The following MYL1 variants were observed in gnomAD, a reference collection of about 807,000 sequenced individuals.
MYL1 encodes the protein myosin light chain 1.
In MYL1, 16 loss-of-function variants were observed where a neutral mutation model predicts 21.8. That is an observed-to-expected ratio of 0.74 (90% CI 0.50 to 1.12). The LOEUF is 1.12. Among genes scored for constraint, MYL1 ranks in the 50% most tolerant of loss-of-function variants. The probability of loss-of-function intolerance (pLI) is 0.00; values close to 1 mark genes in which losing one functional copy is unlikely to be tolerated. For synonymous variants in MYL1, 99 were observed against 85.2 expected, an observed-to-expected ratio of 1.16 and a Z score of -0.89; for missense variants, 246 against 241.0, an observed-to-expected ratio of 1.02 and a Z score of -0.14.
chr2:210,303,824 G>A (rs1214004513), intron 1 of MYL1, among the ~76,000 whole-genome samples: 3 of 152,088 alleles, frequency 2.0e-5, no homozygotes, highest in African/African-American at 7.2e-5. Flanking sequence ...GAAGCCTGCC[G>A]GTACTTTTAT....
Position 210,315,064 on chromosome 2 carries a change from T to C in MYL1, c.-22A>G. Reference sequence around the variant, plus strand: ...CCATTTTTTTTTTTAAAAGGGTGGGTTAAAAAGAGAAGGAGTTCCTCCAAA... The same window carrying C: ...CCATTTTTTTTTTTAAAAGGGTGGGCTAAAAAGAGAAGGAGTTCCTCCAAA... On this transcript the variant is annotated 5_prime_UTR_variant, in exon 1 of 7. Coordinates refer to ENST00000352451, the MANE Select transcript of MYL1 (RefSeq NM_079420.3). The C allele has an allele frequency of 6.3e-7, 1 of 1,590,758 alleles. No homozygotes were observed. The highest frequency in any genetic ancestry group is 8.5e-7 in the Non-Finnish European group (1 of 1,174,582).
chr2:210,294,392 C>T lies in MYL1; in HGVS notation c.331G>A (p.Glu111Lys). 1.2e-6 allele frequency: 2 copies of T among 1,613,850 alleles called. No homozygotes were observed. Among genetic ancestry groups the T allele is most frequent in the South Asian group, 1.1e-5 (1 of 91,042 alleles). ...EELNAKKIEF[E>K]QFLPMMQAIS... ...GCTTGCATCATAGGCAGAAATTGTT[C>T]AAACTCAATTTTCTTGGCATTCAGC... The change falls in exon 4 of 7, where the codon GAA becomes AAA. Residue 111 changes from glutamate to lysine, a missense_variant. Glu to Lys is a moderately conservative substitution (Grantham distance 56). Coordinates refer to ENST00000352451, the MANE Select transcript of MYL1 (RefSeq NM_079420.3).
At chr2:210,291,388 A>G (rs938236174) in intron 5 of MYL1, among the ~76,000 whole-genome samples, 18 of 152,122 alleles carry the variant, frequency 1.2e-4, no homozygotes, top group Admixed American at 4.6e-4. Context: ...TTAGCCTCCC[A>G]AGCAGCTGGG....
In MYL1 at chr2:210,294,351, CTTG is replaced by C; in HGVS notation, c.369_371del (p.Asn123del). On this transcript the variant is annotated inframe_deletion, in exon 4 of 7. Coordinates refer to ENST00000352451, the MANE Select transcript of MYL1 (RefSeq NM_079420.3). ...CAAAGTCTTCATAGGTGGCCTGGTC[CTTG>C]TTGTTGGAAATGGCTTGCATCATAG... 1.9e-6 allele frequency: 3 copies of C among 1,614,022 alleles called. No individual in the cohort carries two copies. Among genetic ancestry groups the C allele is most frequent in the Non-Finnish European group, 2.5e-6 (3 of 1,179,964 alleles).
intron 6 of MYL1, among the ~76,000 whole-genome samples, 176 bp downstream of exon 6, chr2:210,290,856 C>T (rs567891827): frequency 6.6e-5 from 10 of 151,948 alleles, no homozygotes; most frequent in Admixed American, 2.0e-4. Flanking sequence ...ATATCTCGTA[C>T]AAAAATGCTC....
intron 1 of MYL1, among the ~76,000 whole-genome samples, chr2:210,310,640 C>T (rs986736868): frequency 6.6e-6 from 1 of 152,002 alleles, no homozygotes; most frequent in African/African-American, 2.4e-5. Context: ...TTTCACCCTC[C>T]TTCTGCAGAA....
chr2:210,294,417 C>G lies in MYL1; in HGVS notation c.306G>C (p.Glu102Asp), dbSNP rs753507577. 1 of 1,612,712 alleles carries G rather than the reference C, an allele frequency of 6.2e-7. No homozygotes were observed. Among genetic ancestry groups the G allele is most frequent in the Admixed American group, 1.7e-5 (1 of 59,872 alleles). The change falls in exon 4 of 7, where the codon GAG becomes GAC. Residue 102 changes from glutamate (E) to aspartate (D), a missense_variant and splice_region_variant. Physicochemically the swap from Glu to Asp is conservative, Grantham distance 45 (BLOSUM62 2). Coordinates refer to ENST00000352451, the MANE Select transcript of MYL1 (RefSeq NM_079420.3). ...CAAACTCAATTTTCTTGGCATTCAG[C>G]TCTGTAAGAAATTGCAATTTTGAGG... ...RKVLGNPSNE[E>D]LNAKKIEFEQ... is the part of the protein sequence containing the mutation.
intron 6 of MYL1, 96 bp from the exon 7 acceptor site, chr2:210,290,563 G>A (rs576822821): frequency 6.6e-6 from 1 of 152,394 alleles, no homozygotes; most frequent in African/African-American, 2.4e-5. Flanking sequence ...ACAATAAAAA[G>A]CGCAAAGTGA....
chr2:210,297,374 G>A (rs925450525), intron 3 of MYL1, among the ~76,000 whole-genome samples: 6 of 151,870 alleles, frequency 4.0e-5, no homozygotes, highest in Admixed American at 6.6e-5. Flanking sequence ...GTAAGATGGC[G>A]TTTCATTGTG....
intron 3 of MYL1, among the ~76,000 whole-genome samples, chr2:210,295,394 G>C (rs1690157443): frequency 6.6e-6 from 1 of 152,066 alleles, no homozygotes; most frequent in Admixed American, 6.6e-5. Flanking sequence ...ACCACTTTGG[G>C]AAGCCGAGGC....
rs1690053642 is a variant in MYL1, at chr2:210,290,236, T to G, written c.*246A>C. ...TAGATAATAAAGAATGGTGCTTGGA[T>G]TTGAGATTGTCAATATTTTATTCTT... On this transcript the variant is annotated 3_prime_UTR_variant, in exon 7 of 7. Transcript: ENST00000352451. 1 of 152,144 alleles carries G rather than the reference T, an allele frequency of 6.6e-6. No individual in the cohort carries two copies. The highest frequency in any genetic ancestry group is 2.4e-5 in the African/African-American group (1 of 41,448). 9.4% of individuals were successfully genotyped at this position (152,144 alleles called of 1,614,324 possible).
intron 2 of MYL1, 142 bp downstream of exon 2, chr2:210,302,346 G>C (rs1360033218): frequency 7.7e-6 from 5 of 650,758 alleles, no homozygotes; most frequent in African/African-American, 3.8e-5. Context: ...TATATTTAGA[G>C]TGATCGAGAG....
chr2:210,314,866 A>T lies in MYL1; in HGVS notation c.132+45T>A, dbSNP rs756167746. ...TTGCAAGTTCCTAGAGATCCTTACTATTGAAAGATGTTTCAGTGACCAAAC... is the reference window on the plus strand; with the variant it reads ...TTGCAAGTTCCTAGAGATCCTTACTTTTGAAAGATGTTTCAGTGACCAAAC... On this transcript the variant is annotated intron_variant, in intron 1 of 6. Transcript: ENST00000352451. 6 of 1,608,714 alleles carry T rather than the reference A, an allele frequency of 3.7e-6. No homozygotes were observed. In the East Asian group the frequency reaches 1.3e-4, roughly 36 times the overall value.
chr2:210,301,234 G>C (rs190505323), intron 2 of MYL1, among the ~76,000 whole-genome samples: 51 of 152,120 alleles, frequency 3.4e-4, no homozygotes, highest in Non-Finnish European at 5.4e-4. Context: ...ATCACCAACT[G>C]TTTTCAATGA....
chr2:210,300,091 A>G (rs1690241155), intron 2 of MYL1, among the ~76,000 whole-genome samples: 1 of 152,146 alleles, frequency 6.6e-6, no homozygotes, highest in African/African-American at 2.4e-5. Context: ...CATTAGTCAA[A>G]TATTATTTTT....
chr2:210,298,637 A>AT (rs1331886294), intron 2 of MYL1, 74 bp from the exon 3 acceptor site: 1 of 1,536,534 alleles, frequency 6.5e-7, no homozygotes, highest in African/African-American at 1.4e-5. Context: ...CTTATCAAAA[A>AT]TTCAGTTCAA....
At chr2:210,307,104 G>A (rs113505186) in intron 1 of MYL1, among the ~76,000 whole-genome samples, 223 of 152,222 alleles carry the variant, frequency 1.5e-3, no homozygotes, top group Non-Finnish European at 2.6e-3. Flanking sequence ...TGAAAGAAAC[G>A]TTTTCTCTCT....
At chr2:210,290,639 A>G (rs1690061274) in intron 6 of MYL1, among the ~76,000 whole-genome samples, 172 bp from the exon 7 acceptor site, 1 of 152,168 alleles carries the variant, frequency 6.6e-6, no homozygotes, top group South Asian at 2.1e-4. Context: ...TTGAATTTGG[A>G]CTGTTATAAC....
chr2:210,296,784 C>T (rs1690179905), intron 3 of MYL1, among the ~76,000 whole-genome samples: 1 of 152,066 alleles, frequency 6.6e-6, no homozygotes, highest in African/African-American at 2.4e-5. Flanking sequence ...TTCTGGCTAT[C>T]TCTTATTCCT....
Sources: allele counts gnomAD v4.1 joint callset (sites outside exome capture counted in the v4.1 genomes callset), GRCh38; gene constraint gnomAD v4.1.1; transcripts MANE v1.5; gene names NCBI Gene and HGNC (gene_info 2026-07-23, HGNC 2026-07-21).